AGBL4: variants seen among roughly 807,000 people sequenced by gnomAD.
The protein encoded by AGBL4 is cytosolic carboxypeptidase 6.
A neutral mutation model predicts 66.4 loss-of-function variants in AGBL4; 58 were observed. The ratio of observed to expected loss-of-function variants is 0.87; its 90% CI spans 0.71 to 1.09. The LOEUF is 1.09. AGBL4 is among the 50% of genes least tolerant of loss of function. The pLI is 0.00. For synonymous variants in AGBL4, 234 were observed against 222.9 expected (o/e 1.05, Z -0.44); for missense variants, 579 against 631.0 (o/e 0.92, Z 0.88).
chr1:49,031,774 C>T (rs1438868028), intron 5 of AGBL4, among the ~76,000 whole-genome samples: 1 of 152,066 alleles, frequency 6.6e-6, no homozygotes, highest in Non-Finnish European at 1.5e-5. Flanking sequence ...ACCCATCTGA[C>T]ATCATACAAT....
chr1:49,331,999 A>G (rs762666275), intron 3 of AGBL4, among the ~76,000 whole-genome samples: 4 of 152,196 alleles, frequency 2.6e-5, no homozygotes, highest in Non-Finnish European at 5.9e-5. Flanking sequence ...AGGGCTTTGG[A>G]GAGTCCAAGC....
At chr1:49,045,553 A>G (rs1644056881) in intron 5 of AGBL4, 31 bp downstream of exon 5, 1 of 1,588,180 alleles carries the variant, frequency 6.3e-7, no homozygotes, top group South Asian at 1.1e-5. Flanking sequence ...CTGTTTCCAA[A>G]TGAGTAACCC....
At chr1:49,222,606 T>C (rs1279755359) in intron 4 of AGBL4, among the ~76,000 whole-genome samples, 1 of 152,198 alleles carries the variant, frequency 6.6e-6, no homozygotes, top group Non-Finnish European at 1.5e-5. Flanking sequence ...TTTTTTAAGA[T>C]TGTTTTTTCT....
chr1:48,723,475 G>A (rs930422048), intron 6 of AGBL4, among the ~76,000 whole-genome samples: 4 of 152,196 alleles, frequency 2.6e-5, no homozygotes, highest in Admixed American at 2.0e-4. Context: ...CTGGCAGAAA[G>A]GGATCAATCT....
chr1:49,037,998 G>A (rs1664800384), intron 5 of AGBL4, among the ~76,000 whole-genome samples: 2 of 152,032 alleles, frequency 1.3e-5, no homozygotes, highest in South Asian at 4.1e-4. Flanking sequence ...GCAAATGGGA[G>A]AAGACAATAC....
intron 6 of AGBL4, among the ~76,000 whole-genome samples, chr1:48,858,853 A>G (rs114106257): frequency 0.019 from 2,888 of 152,258 alleles, 50 homozygotes; most frequent in Admixed American, 0.03. Context: ...TAAAGCTGTT[A>G]TTAAAAAAAG....
In AGBL4 at chr1:48,818,179, A is replaced by G. The variant is rs1164030949; in HGVS notation, c.634+49012T>C. The G allele has an allele frequency of 4.2e-6, 3 of 717,232 alleles. No homozygotes were observed. In the African/African-American group the frequency reaches 5.2e-5, roughly 13 times the overall value. The allele number at this position is 717,232 out of a possible 1,614,324, so 44.4% of individuals were successfully genotyped here. A position where few individuals can be genotyped will look rare whatever the true frequency, so the allele number is the denominator to read the frequency against. The stretch of plus-strand genomic sequence containing the variant: ...GATAGTCAAATTTGGAAAGGCCACC[A>G]TTCTCCTTCAGAAGCAAATGATTTC... On this transcript the variant is annotated intron_variant, in intron 6 of 13. Coordinates refer to ENST00000371839, the MANE Select transcript of AGBL4 (RefSeq NM_032785.4).
intron 3 of AGBL4, among the ~76,000 whole-genome samples, chr1:49,513,886 G>C (rs997817829): frequency 3.9e-5 from 6 of 151,968 alleles, no homozygotes; most frequent in Non-Finnish European, 8.8e-5. Flanking sequence ...GCATAAGCAG[G>C]GTTGCTATAT....
chr1:48,676,039 T>G (rs983048548), intron 6 of AGBL4, among the ~76,000 whole-genome samples: 1 of 152,232 alleles, frequency 6.6e-6, no homozygotes, highest in African/African-American at 2.4e-5. Flanking sequence ...CCTGGATTCT[T>G]TCTACAAATT....
intron 9 of AGBL4, among the ~76,000 whole-genome samples, chr1:48,596,423 C>G (rs1644995351): frequency 6.6e-6 from 1 of 152,116 alleles, no homozygotes; most frequent in Non-Finnish European, 1.5e-5. Flanking sequence ...AGCCCCAAAT[C>G]TATTCTTTTC....
intron 4 of AGBL4, among the ~76,000 whole-genome samples, chr1:49,101,958 A>G (rs6676453): frequency 1.3e-5 from 2 of 152,294 alleles, no homozygotes; most frequent in South Asian, 4.1e-4. Context: ...TATCTGATAT[A>G]GATCATAGAC....
At chr1:49,275,427 C>G (rs1011470872) in intron 3 of AGBL4, among the ~76,000 whole-genome samples, 2 of 152,238 alleles carry the variant, frequency 1.3e-5, no homozygotes, top group South Asian at 2.1e-4. Flanking sequence ...TTTTAAATGT[C>G]TAATCTGAGA....
At chr1:48,777,970 T>G (rs1392911019) in intron 6 of AGBL4, among the ~76,000 whole-genome samples, 1 of 152,158 alleles carries the variant, frequency 6.6e-6, no homozygotes, top group Non-Finnish European at 1.5e-5. Flanking sequence ...GGGGGCTGAT[T>G]GGGCTCTGTA....
chr1:49,280,512 G>A (rs1252834622), intron 3 of AGBL4, among the ~76,000 whole-genome samples: 1 of 152,068 alleles, frequency 6.6e-6, no homozygotes, highest in Non-Finnish European at 1.5e-5. Flanking sequence ...ATAAACCAGA[G>A]GACTGAGTGC....
At position 49,943,975 on chromosome 1, in the gene AGBL4, G is replaced by T. The variant is rs1654994250; in HGVS notation, c.34+79788C>A. Among the ~76,000 whole-genome samples, 3 of 151,888 alleles carry T rather than the reference G, an allele frequency of 2.0e-5. No homozygotes were observed. The East Asian group carries it at 5.8e-4, about 30-fold the overall frequency. Reference sequence around the variant, plus strand: ...ATTGTGGGAGTAAGACCAGTCTTCGGAGTTTCATGGGAACATAACTCCATA... The same window carrying T: ...ATTGTGGGAGTAAGACCAGTCTTCGTAGTTTCATGGGAACATAACTCCATA... On this transcript the variant is annotated intron_variant, in intron 1 of 13. Coordinates refer to ENST00000371839, the MANE Select transcript of AGBL4 (RefSeq NM_032785.4).
chr1:49,689,967 C>T (rs897986208), intron 3 of AGBL4, among the ~76,000 whole-genome samples: 1 of 152,136 alleles, frequency 6.6e-6, no homozygotes, highest in Non-Finnish European at 1.5e-5. Flanking sequence ...ATGAAGTCAA[C>T]TGATGTGGTA....
intron 1 of AGBL4, among the ~76,000 whole-genome samples, chr1:49,876,763 C>G (rs1249491569): frequency 8.6e-5 from 10 of 115,894 alleles, no homozygotes; most frequent in African/African-American, 3.5e-4. Context: ...TGGCCATTTT[C>G]ACGATATTGA....
intron 4 of AGBL4, among the ~76,000 whole-genome samples, chr1:49,243,370 A>C (rs907700820): frequency 1.3e-5 from 2 of 151,764 alleles, no homozygotes; most frequent in African/African-American, 4.8e-5. Context: ...GGAGCCAATA[A>C]AATCTAATAT....
intron 4 of AGBL4, among the ~76,000 whole-genome samples, chr1:49,076,359 G>A (rs1292910391): frequency 6.6e-6 from 1 of 152,114 alleles, no homozygotes; most frequent in Non-Finnish European, 1.5e-5. Context: ...TATGTAAATA[G>A]TTTTTATACT....
Sources: allele counts gnomAD v4.1 joint callset (sites outside exome capture counted in the v4.1 genomes callset), GRCh38; gene constraint gnomAD v4.1.1; transcripts MANE v1.5; gene names NCBI Gene and HGNC (gene_info 2026-07-23, HGNC 2026-07-21).